Variants in RIMS4 observed in about 807,000 individuals in gnomAD.
RIMS4 encodes the protein regulating synaptic membrane exocytosis protein 4.
Under a neutral mutation model 29.0 loss-of-function variants are expected in RIMS4, and 9 were observed. The observed-to-expected ratio is 0.31, with a 90% CI of 0.19 to 0.54. The LOEUF (loss-of-function observed/expected upper bound fraction) is 0.54. Ranked by LOEUF, RIMS4 falls within the 20% of genes least tolerant of loss-of-function variation. The pLI, the probability that RIMS4 is intolerant of heterozygous loss-of-function variation, is 0.94. For missense variants in RIMS4, 193 were observed against 365.7 expected (o/e 0.53, Z 3.85); for synonymous variants, 130 against 152.9 (o/e 0.85, Z 1.10).
chr20:44,762,829 G>A (rs74629588), intron 2 of RIMS4, among the ~76,000 whole-genome samples: 72 of 152,288 alleles, frequency 4.7e-4, no homozygotes, highest in African/African-American at 1.4e-3. Context: ...GGCAGAGGCC[G>A]CAAAATCAAA....
chr20:44,777,878 A>G (rs2066167162), intron 1 of RIMS4, among the ~76,000 whole-genome samples: 1 of 152,120 alleles, frequency 6.6e-6, no homozygotes, highest in South Asian at 2.1e-4. Flanking sequence ...CAGACACAAG[A>G]GCTCTGGGTG....
At chr20:44,768,362 C>T (rs1057307076) in intron 2 of RIMS4, among the ~76,000 whole-genome samples, 2 of 152,200 alleles carry the variant, frequency 1.3e-5, no homozygotes, top group African/African-American at 2.4e-5. Flanking sequence ...ACAGACCCAG[C>T]GGTGCCAGGG....
At chr20:44,762,983 G>A (rs759377741) in intron 2 of RIMS4, among the ~76,000 whole-genome samples, 3 of 152,212 alleles carry the variant, frequency 2.0e-5, no homozygotes, top group Non-Finnish European at 4.4e-5. Flanking sequence ...GCCAGTGCCT[G>A]TGCTGTCTCA....
At chr20:44,772,666 A>G (rs570441875) in intron 1 of RIMS4, among the ~76,000 whole-genome samples, 12 of 152,288 alleles carry the variant, frequency 7.9e-5, no homozygotes, top group African/African-American at 2.9e-4. Flanking sequence ...TAGGCTTGCT[A>G]GAGGTGGGGT....
At chr20:44,796,457 G>A (rs1460700369) in intron 1 of RIMS4, among the ~76,000 whole-genome samples, 2 of 152,178 alleles carry the variant, frequency 1.3e-5, no homozygotes, top group African/African-American at 2.4e-5. Flanking sequence ...GAAGGGAGGG[G>A]CTTGGGATTC....
intron 1 of RIMS4, among the ~76,000 whole-genome samples, chr20:44,807,628 G>A (rs1228115593): frequency 1.3e-5 from 2 of 152,174 alleles, no homozygotes; most frequent in African/African-American, 4.8e-5. Flanking sequence ...CAGTATGGGA[G>A]AGACCATTCC....
At chr20:44,780,428 C>T (rs1387145718) in intron 1 of RIMS4, among the ~76,000 whole-genome samples, 1 of 152,192 alleles carries the variant, frequency 6.6e-6, no homozygotes, top group South Asian at 2.1e-4. Context: ...TTTAGAACTA[C>T]GAAGCATCCC....
chr20:44,793,983 C>T (rs891686560), intron 1 of RIMS4, among the ~76,000 whole-genome samples: 1 of 152,160 alleles, frequency 6.6e-6, no homozygotes, highest in Non-Finnish European at 1.5e-5. Context: ...GCAGGAGGAT[C>T]ACTTGAGCCC....
In RIMS4 at chr20:44,809,293, C is replaced by T. The variant is rs1182707580; in HGVS notation, c.97+882G>A. Among the ~76,000 whole-genome samples, 8 of 152,190 alleles carry T rather than the reference C, an allele frequency of 5.3e-5. 1 individual carries two copies. Among genetic ancestry groups the T allele is most frequent in the Admixed American group, 5.2e-4 (8 of 15,288 alleles). On this transcript the variant is annotated intron_variant, in intron 1 of 5. Transcript: ENST00000372851. ...ACCCCACCTGTTGGTGGATTCCCTT[C>T]CTCACCCCAGAACCAAATCCGGAGC...
At chr20:44,791,135 A>G (rs2066230600) in intron 1 of RIMS4, among the ~76,000 whole-genome samples, 1 of 152,270 alleles carries the variant, frequency 6.6e-6, no homozygotes, top group Non-Finnish European at 1.5e-5. Flanking sequence ...CTAGTATTAC[A>G]GCATGACCCT....
intron 2 of RIMS4, among the ~76,000 whole-genome samples, 182 bp downstream of exon 2, chr20:44,771,093 T>C (rs1284824641): frequency 6.6e-6 from 1 of 152,212 alleles, no homozygotes; most frequent in Non-Finnish European, 1.5e-5. Context: ...GGGCTCGCTC[T>C]CCCTCGGGGC....
At chr20:44,807,151 A>G (rs112094134) in intron 1 of RIMS4, among the ~76,000 whole-genome samples, 5,057 of 152,248 alleles carry the variant, frequency 0.033, 293 homozygotes, top group African/African-American at 0.11. Flanking sequence ...AAAGAGGGCA[A>G]AAGGAGCATC....
At chr20:44,790,661 G>A (rs961966899) in intron 1 of RIMS4, among the ~76,000 whole-genome samples, 1 of 152,216 alleles carries the variant, frequency 6.6e-6, no homozygotes, top group Non-Finnish European at 1.5e-5. Flanking sequence ...TCTGCAGAGA[G>A]GACTTGCTCT....
At chr20:44,757,858 AC>A in intron 3 of RIMS4, 87 bp from the exon 4 acceptor site, 5 of 1,238,914 alleles carry the variant, frequency 4.0e-6, no homozygotes, top group Non-Finnish European at 5.9e-6. Context: ...TAGGGCTGAA[AC>A]CCCCTTCCCC....
intron 1 of RIMS4, among the ~76,000 whole-genome samples, chr20:44,808,923 G>A (rs1392930856): frequency 2.0e-5 from 3 of 152,134 alleles, no homozygotes. Context: ...ATGCACTTCG[G>A]GAGAGATAGT....
chr20:44,793,633 G>T (rs1413502308), intron 1 of RIMS4, among the ~76,000 whole-genome samples: 49 of 152,184 alleles, frequency 3.2e-4, no homozygotes. Context: ...GAATTTCAGG[G>T]TCCCCACGTC....
intron 1 of RIMS4, among the ~76,000 whole-genome samples, chr20:44,777,886 G>A (rs1300471979): frequency 6.6e-6 from 1 of 152,194 alleles, no homozygotes; most frequent in African/African-American, 2.4e-5. Context: ...AGAGCTCTGG[G>A]TGACTGGGTT....
At chr20:44,775,114 A>G (rs553950712) in intron 1 of RIMS4, among the ~76,000 whole-genome samples, 4 of 152,216 alleles carry the variant, frequency 2.6e-5, no homozygotes, top group African/African-American at 9.6e-5. Context: ...CCCTTTTGTG[A>G]GGTGGAAGCC....
intron 2 of RIMS4, among the ~76,000 whole-genome samples, chr20:44,764,255 C>CATCCATCCATCCATCCATCCATCCATT (rs1325046131): frequency 1.4e-5 from 2 of 144,416 alleles, no homozygotes; most frequent in African/African-American, 2.6e-5. Context: ...TCCATCCATC[C>CATCCATCCATCCATCCATCCATCCATT]TCCCACAAAC....
Sources: allele counts gnomAD v4.1 joint callset (sites outside exome capture counted in the v4.1 genomes callset), GRCh38; gene constraint gnomAD v4.1.1; transcripts MANE v1.5; gene names NCBI Gene and HGNC (gene_info 2026-07-23, HGNC 2026-07-21).